KCNJ3: variants seen among roughly 807,000 people sequenced by gnomAD.
KCNJ3 encodes potassium inwardly rectifying channel subfamily J member 3.
In KCNJ3, 4 loss-of-function variants were observed where a neutral mutation model predicts 39.2. That is an observed-to-expected ratio of 0.10 (90% CI 0.05 to 0.23). The LOEUF is 0.23. KCNJ3 is among the 10% of genes least tolerant of loss of function. KCNJ3 has a pLI of 1.00. For synonymous variants in KCNJ3, 230 were observed against 237.4 expected, an observed-to-expected ratio of 0.97 and a Z score of 0.29; for missense variants, 276 against 634.9, an observed-to-expected ratio of 0.43 and a Z score of 6.08.
intron 1 of KCNJ3, among the ~76,000 whole-genome samples, chr2:154,707,260 A>G (rs945554927): frequency 2.0e-5 from 3 of 152,056 alleles, no homozygotes; most frequent in African/African-American, 7.2e-5. Context: ...GGGGTAGGGT[A>G]ATTTTGAGTA....
chr2:154,830,891 C>T (rs1271913844), intron 2 of KCNJ3, among the ~76,000 whole-genome samples: 1 of 152,128 alleles, frequency 6.6e-6, no homozygotes, highest in South Asian at 2.1e-4. Flanking sequence ...TCCTTTCTTA[C>T]AAGAAGTACA....
intron 2 of KCNJ3, among the ~76,000 whole-genome samples, chr2:154,726,488 A>G (rs1472038232): frequency 6.6e-6 from 1 of 152,128 alleles, no homozygotes; most frequent in African/African-American, 2.4e-5. Flanking sequence ...GTGGTGAAAA[A>G]GGAACACTTT....
chr2:154,816,820 ATATGGATGTAAAGTG>A (rs557358903), intron 2 of KCNJ3, among the ~76,000 whole-genome samples: 69 of 152,284 alleles, frequency 4.5e-4, no homozygotes, highest in Middle Eastern at 3.4e-3. Context: ...ACATTCTAAA[ATATGGATGTAAAGTG>A]TATGGATGTA....
chr2:154,725,572 T>A (rs2105163017), intron 2 of KCNJ3, among the ~76,000 whole-genome samples: 1 of 152,178 alleles, frequency 6.6e-6, no homozygotes, highest in African/African-American at 2.4e-5. Flanking sequence ...GTATCAAACT[T>A]TATTTTATTA....
chr2:154,815,730 T>C (rs973413593), intron 2 of KCNJ3, among the ~76,000 whole-genome samples: 5 of 152,220 alleles, frequency 3.3e-5, no homozygotes, highest in Non-Finnish European at 7.3e-5. Context: ...GTTCCCTGAT[T>C]CAATTCTTAA....
chr2:154,818,636 T>C (rs1044188026), intron 2 of KCNJ3, among the ~76,000 whole-genome samples: 1 of 152,170 alleles, frequency 6.6e-6, no homozygotes, highest in African/African-American at 2.4e-5. Context: ...AAATGTCTGA[T>C]TCTAAATACT....
intron 2 of KCNJ3, among the ~76,000 whole-genome samples, chr2:154,746,807 T>C (rs1685753810): frequency 6.6e-6 from 1 of 151,644 alleles, no homozygotes; most frequent in Non-Finnish European, 1.5e-5. Context: ...TACTTGGAGG[T>C]TTTCTTTCTA....
At chr2:154,845,953 C>T (rs1687656579) in intron 2 of KCNJ3, among the ~76,000 whole-genome samples, 2 of 145,516 alleles carry the variant, frequency 1.4e-5, no homozygotes, top group Non-Finnish European at 3.0e-5. Flanking sequence ...CTGGGCGTCA[C>T]AGCGAGACTC....
At chr2:154,778,801 A>G (rs1004039975) in intron 2 of KCNJ3, among the ~76,000 whole-genome samples, 1 of 152,046 alleles carries the variant, frequency 6.6e-6, no homozygotes, top group East Asian at 1.9e-4. Context: ...TGGTTAGAAG[A>G]GTGGTTAATT....
At chr2:154,715,812 A>G (rs1029159081) in intron 2 of KCNJ3, among the ~76,000 whole-genome samples, 3 of 152,182 alleles carry the variant, frequency 2.0e-5, no homozygotes, top group South Asian at 4.1e-4. Flanking sequence ...TGACTTTACT[A>G]TATGCTAGTT....
intron 2 of KCNJ3, among the ~76,000 whole-genome samples, chr2:154,752,963 A>G (rs545973568): frequency 6.6e-6 from 1 of 152,200 alleles, no homozygotes; most frequent in East Asian, 1.9e-4. Context: ...AGTATGTGAC[A>G]CTGTTAATAA....
chr2:154,703,821 C>T (rs6435333), intron 1 of KCNJ3, among the ~76,000 whole-genome samples: 135,530 of 152,090 alleles, frequency 0.89, 60,617 homozygotes, highest in East Asian at 1. Flanking sequence ...TTTTTAATCA[C>T]GAGACAATTA....
At chr2:154,724,917 G>GTA (rs59124944) in intron 2 of KCNJ3, among the ~76,000 whole-genome samples, 1,444 of 116,252 alleles carry the variant, frequency 0.012, 92 homozygotes, top group African/African-American at 0.033. Context: ...TACATATGAG[G>GTA]TATATATATA....
intron 2 of KCNJ3, among the ~76,000 whole-genome samples, chr2:154,833,974 T>G (rs1687406626): frequency 6.6e-6 from 1 of 152,178 alleles, no homozygotes; most frequent in African/African-American, 2.4e-5. Flanking sequence ...CAATTATAAA[T>G]AAAGCTGCTA....
chr2:154,805,200 G>T (rs1250755784), intron 2 of KCNJ3, among the ~76,000 whole-genome samples: 1 of 151,940 alleles, frequency 6.6e-6, no homozygotes, highest in African/African-American at 2.4e-5. Context: ...GTTTTTTTCT[G>T]GTACAAATTG....
chr2:154,740,415 T>C (rs1685632779), intron 2 of KCNJ3, among the ~76,000 whole-genome samples: 1 of 152,060 alleles, frequency 6.6e-6, no homozygotes. Context: ...AACTATTTAA[T>C]GGAAGCCATT....
intron 2 of KCNJ3, among the ~76,000 whole-genome samples, chr2:154,764,438 T>G (rs1686097538): frequency 6.6e-6 from 1 of 152,126 alleles, no homozygotes; most frequent in Non-Finnish European, 1.5e-5. Flanking sequence ...CAGAAGAAAA[T>G]GTTGAATACT....
intron 2 of KCNJ3, among the ~76,000 whole-genome samples, chr2:154,839,912 T>C (rs1178260502): frequency 2.0e-5 from 3 of 152,222 alleles, no homozygotes; most frequent in Non-Finnish European, 4.4e-5. Context: ...TGGTCGTTTC[T>C]TTTGCTGTGC....
intron 2 of KCNJ3, among the ~76,000 whole-genome samples, chr2:154,826,617 C>A (rs1189908183): frequency 6.6e-6 from 1 of 152,124 alleles, no homozygotes; most frequent in African/African-American, 2.4e-5. Flanking sequence ...TAAATACATG[C>A]AGCTACTTTT....
Sources: gnomAD v4.1 joint callset for allele counts (sites outside exome capture counted in the v4.1 genomes callset) on GRCh38, gnomAD v4.1.1 for gene constraint, MANE v1.5 for transcripts, NCBI Gene and HGNC (gene_info 2026-07-23, HGNC 2026-07-21) for gene names.